PCCA: variants seen among roughly 807,000 people sequenced by gnomAD.
PCCA encodes propionyl-CoA carboxylase alpha chain, mitochondrial.
Under a neutral mutation model 101.3 loss-of-function variants are expected in PCCA, and 74 were observed. The ratio of observed to expected loss-of-function variants is 0.73; its 90% CI spans 0.61 to 0.89. The LOEUF is 0.89. Among genes scored for constraint, PCCA ranks in the 40% least tolerant of loss-of-function variants. The pLI is 0.00. For missense variants in PCCA, 891 were observed against 907.0 expected, an observed-to-expected ratio of 0.98 and a Z score of 0.23; for synonymous variants, 294 against 313.6, an observed-to-expected ratio of 0.94 and a Z score of 0.66.
intron 20 of PCCA, among the ~76,000 whole-genome samples, chr13:100,438,104 T>A (rs770973745): frequency 6.6e-6 from 1 of 152,060 alleles, no homozygotes; most frequent in Non-Finnish European, 1.5e-5. Context: ...TGCACCATGT[T>A]GTTTTTTTTT....
intron 17 of PCCA, among the ~76,000 whole-genome samples, chr13:100,332,700 A>T (rs2069815261): frequency 6.6e-6 from 1 of 152,212 alleles, no homozygotes; most frequent in South Asian, 2.1e-4. Flanking sequence ...TCAAACTCAG[A>T]AATGTACTTA....
At chr13:100,458,423 GCACACACACACACACATACACACACACA>G (rs2081939087) in intron 21 of PCCA, among the ~76,000 whole-genome samples, 6 of 89,634 alleles carry the variant, frequency 6.7e-5, no homozygotes, top group Admixed American at 5.5e-4. Context: ...ATCTCTGCGC[GCACACACACACACACATACACACACACA>G]CACACACACA....
At chr13:100,469,569 G>T (rs7318347) in intron 21 of PCCA, among the ~76,000 whole-genome samples, 1 of 152,034 alleles carries the variant, frequency 6.6e-6, no homozygotes, top group Non-Finnish European at 1.5e-5. Context: ...ACAAGGTGAA[G>T]AGTTCAAGAC....
chr13:100,330,665 T>C lies in PCCA; in HGVS notation c.1534T>C (p.Phe512Leu), dbSNP rs779659813. The C allele has an allele frequency of 1.3e-6, 2 of 1,582,326 alleles. No homozygotes were observed. Among genetic ancestry groups the C allele is most frequent in the Non-Finnish European group, 1.7e-6 (2 of 1,151,230 alleles). Reference sequence around the variant, plus strand: ...TCTCTCCGATGTGTATCCTGATGGCTTCAAAGGTTTGTATGCATTAAAATA... The same window carrying C: ...TCTCTCCGATGTGTATCCTGATGGCCTCAAAGGTTTGTATGCATTAAAATA... ...KFLSDVYPDG[F>L]KGHMLTKSEK... Residue 512 changes from phenylalanine to leucine, a missense_variant, in exon 17 of 24, where the codon TTC becomes CTC. Phe to Leu is a conservative substitution (Grantham distance 22, BLOSUM62 0). Transcript: ENST00000376285.
chr13:100,119,752 C>T (rs79160049), intron 4 of PCCA, among the ~76,000 whole-genome samples: 6,828 of 152,238 alleles, frequency 0.045, 186 homozygotes, highest in Admixed American at 0.06. Context: ...CCAACTCACA[C>T]GGGATCTGTT....
At chr13:100,473,180 G>C (rs911541000) in intron 21 of PCCA, 1 of 152,224 alleles carries the variant, frequency 6.6e-6, no homozygotes, top group South Asian at 2.1e-4. Context: ...CCTGTGCCGC[G>C]CAGGGACTTG....
intron 12 of PCCA, among the ~76,000 whole-genome samples, chr13:100,288,275 C>T (rs564758831): frequency 1.3e-5 from 2 of 152,012 alleles, no homozygotes; most frequent in Non-Finnish European, 2.9e-5. Flanking sequence ...GAGCCGTTAT[C>T]GATGCATTGT....
chr13:100,440,151 TTAAATTATATATATATATATATA>T (rs2080235541), intron 20 of PCCA, among the ~76,000 whole-genome samples: 1 of 124,652 alleles, frequency 8.0e-6, no homozygotes, highest in Non-Finnish European at 1.6e-5. Context: ...GACTAGAGTA[TTAAATTATATATATATATATATA>T]TATATATATA....
chr13:100,525,494 G>A (rs1023104873), intron 22 of PCCA, among the ~76,000 whole-genome samples: 3 of 152,236 alleles, frequency 2.0e-5, no homozygotes, highest in African/African-American at 4.8e-5. Flanking sequence ...AGGCCCTGGC[G>A]GGGCCCAGAG....
chr13:100,297,913 T>C (rs778314683), intron 12 of PCCA, among the ~76,000 whole-genome samples: 2 of 152,164 alleles, frequency 1.3e-5, no homozygotes, highest in African/African-American at 2.4e-5. Context: ...TTGAGAAATT[T>C]GTCTTTGAGG....
At chr13:100,372,805 T>C (rs1203509148) in intron 19 of PCCA, among the ~76,000 whole-genome samples, 1 of 152,208 alleles carries the variant, frequency 6.6e-6, no homozygotes. Flanking sequence ...AGTGGCACAA[T>C]CTTGGCTCAC....
chr13:100,216,496 G>T (rs2059527243), intron 7 of PCCA, among the ~76,000 whole-genome samples: 1 of 152,210 alleles, frequency 6.6e-6, no homozygotes, highest in Non-Finnish European at 1.5e-5. Flanking sequence ...CTTTATTACT[G>T]TATCACATGC....
intron 23 of PCCA, among the ~76,000 whole-genome samples, chr13:100,528,769 C>A (rs562566202): frequency 6.6e-6 from 1 of 152,354 alleles, no homozygotes; most frequent in South Asian, 2.1e-4. Flanking sequence ...TAAATTACTT[C>A]TTTAAAAAGT....
chr13:100,422,065 T>C (rs559373456), intron 19 of PCCA, among the ~76,000 whole-genome samples: 8,208 of 59,326 alleles, frequency 0.14, 317 homozygotes, highest in South Asian at 0.24. Context: ...TTCTCTTCTC[T>C]TTTCTTTTCT....
chr13:100,498,006 A>G (rs186719220), intron 21 of PCCA, among the ~76,000 whole-genome samples: 1 of 152,112 alleles, frequency 6.6e-6, no homozygotes, highest in East Asian at 1.9e-4. Flanking sequence ...AGTAGCTAGG[A>G]TTACAGATAT....
chr13:100,210,496 G>A (rs1216356030), intron 7 of PCCA, among the ~76,000 whole-genome samples: 3 of 152,152 alleles, frequency 2.0e-5, no homozygotes, highest in Non-Finnish European at 2.9e-5. Flanking sequence ...TTCTCTCCAT[G>A]TGCATAATAT....
At chr13:100,383,319 AT>A (rs1485472218) in intron 19 of PCCA, among the ~76,000 whole-genome samples, 1 of 151,724 alleles carries the variant, frequency 6.6e-6, no homozygotes, top group Non-Finnish European at 1.5e-5. Context: ...TCCAAGCAAT[AT>A]TTTTTGAGAG....
intron 7 of PCCA, among the ~76,000 whole-genome samples, chr13:100,225,238 T>G (rs2060083715): frequency 1.3e-5 from 2 of 152,204 alleles, no homozygotes; most frequent in Admixed American, 6.5e-5. Flanking sequence ...TGGGATTATG[T>G]GATCTGTTCA....
At chr13:100,151,125 G>C in intron 4 of PCCA, 2 of 1,097,614 alleles carry the variant, frequency 1.8e-6, no homozygotes, top group Admixed American at 4.4e-5. Flanking sequence ...GCTGCCAGAC[G>C]GAAGAAAAGA....
Sources: allele counts gnomAD v4.1 joint callset (sites outside exome capture counted in the v4.1 genomes callset), GRCh38; gene constraint gnomAD v4.1.1; transcripts MANE v1.5; gene names NCBI Gene and HGNC (gene_info 2026-07-23, HGNC 2026-07-21).